PCDHGA7: variants seen among roughly 807,000 people sequenced by gnomAD.
PCDHGA7 encodes the protein protocadherin gamma-A7.
PCDHGA7 carries 44 observed loss-of-function variants against 58.3 expected under a neutral mutation model. The observed-to-expected ratio is 0.75, with a 90% CI of 0.59 to 0.97. The LOEUF (loss-of-function observed/expected upper bound fraction) is 0.97. Ranked by LOEUF, PCDHGA7 falls within the 50% of genes least tolerant of loss-of-function variation. The probability of loss-of-function intolerance (pLI) is 0.00; values close to 1 mark genes in which losing one functional copy is unlikely to be tolerated. For synonymous variants in PCDHGA7, 516 were observed against 504.2 expected, an observed-to-expected ratio of 1.02 and a Z score of -0.31; for missense variants, 1,266 against 1,188.7, an observed-to-expected ratio of 1.06 and a Z score of -0.96.
At chr5:141,464,580 G>A (rs1459502164) in intron 1 of PCDHGA7, among the ~76,000 whole-genome samples, 1 of 152,118 alleles carries the variant, frequency 6.6e-6, no homozygotes, top group East Asian at 1.9e-4. Context: ...AGATGAGAAT[G>A]TCCATTGTCC....
At chr5:141,465,945 AC>A (rs761290693) in intron 1 of PCDHGA7, among the ~76,000 whole-genome samples, 7 of 151,958 alleles carry the variant, frequency 4.6e-5, no homozygotes, top group Non-Finnish European at 5.9e-5. Context: ...ACATGGTGAA[AC>A]CCCATCTCTA....
intron 1 of PCDHGA7, chr5:141,398,636 A>G (rs770681129): frequency 6.2e-7 from 1 of 1,614,074 alleles, no homozygotes; most frequent in Non-Finnish European, 8.5e-7. Context: ...CTGCAGAAGT[A>G]TAAACTCTCT....
At chr5:141,507,833 G>C (rs1184502436) in intron 3 of PCDHGA7, among the ~76,000 whole-genome samples, 2 of 152,172 alleles carry the variant, frequency 1.3e-5, no homozygotes, top group East Asian at 3.9e-4. Flanking sequence ...GGAGGTGGTG[G>C]GTCAGGCCCT....
intron 2 of PCDHGA7, among the ~76,000 whole-genome samples, chr5:141,501,966 C>A (rs1046026111): frequency 1.3e-5 from 2 of 152,118 alleles, no homozygotes; most frequent in African/African-American, 4.8e-5. Context: ...ATCCTCCTAA[C>A]CTCTGGCATC....
At chr5:141,416,717 A>G (rs1227713508) in intron 1 of PCDHGA7, 1 of 152,256 alleles carries the variant, frequency 6.6e-6, no homozygotes, top group Admixed American at 6.5e-5. Flanking sequence ...GGTACTGATG[A>G]GTTCATTTAG....
intron 1 of PCDHGA7, among the ~76,000 whole-genome samples, chr5:141,453,643 T>G (rs1267570786): frequency 2.6e-5 from 4 of 152,240 alleles, no homozygotes; most frequent in Non-Finnish European, 5.9e-5. Flanking sequence ...TATATTTTCT[T>G]ATGTCCTCTT....
intron 2 of PCDHGA7, among the ~76,000 whole-genome samples, chr5:141,501,286 C>T (rs2099806802): frequency 8.9e-6 from 1 of 112,422 alleles, no homozygotes; most frequent in African/African-American, 3.5e-5. Context: ...GGGATATTCC[C>T]TTATACACAC....
intron 2 of PCDHGA7, among the ~76,000 whole-genome samples, chr5:141,497,706 A>G (rs2099778850): frequency 6.6e-6 from 1 of 151,956 alleles, no homozygotes; most frequent in Middle Eastern, 3.2e-3. Flanking sequence ...CACCCAGCTC[A>G]TTTTTGTATT....
chr5:141,479,606 T>TA (rs1315315740), intron 1 of PCDHGA7: 1 of 152,184 alleles, frequency 6.6e-6, no homozygotes, highest in Non-Finnish European at 1.5e-5. Context: ...GCCTAGGCAA[T>TA]ATAGGGAAAC....
At chr5:141,392,005 T>A (rs1323895692) in intron 1 of PCDHGA7, 1 of 152,198 alleles carries the variant, frequency 6.6e-6, no homozygotes, top group African/African-American at 2.4e-5. Context: ...AAAACTGCAA[T>A]GGTAAAAGCA....
At chr5:141,500,185 TTTA>T (rs549090582) in intron 2 of PCDHGA7, among the ~76,000 whole-genome samples, 1 of 55,104 alleles carries the variant, frequency 1.8e-5, no homozygotes, top group Non-Finnish European at 3.2e-5. Flanking sequence ...CATTTTTATT[TTTA>T]TTTATTTATT....
In PCDHGA7 at chr5:141,487,743, G is replaced by C. The variant is rs1424889718; in HGVS notation, c.2425-7064G>C. The C allele has an allele frequency of 1.9e-6, 3 of 1,559,988 alleles. No homozygotes were observed. Among genetic ancestry groups the C allele is most frequent in the Non-Finnish European group, 2.6e-6 (3 of 1,150,774 alleles). ...AGTGATGTCACCATTTTTGTAAGAG[G>C]TAACTATGTGGTAGACGCTGTGCTT... On this transcript the variant is annotated intron_variant, in intron 1 of 3. Transcript: ENST00000518325. The surrounding 1 kb of genome is among the most constrained non-coding windows in gnomAD (Gnocchi z 5.0).
At position 141,431,353 on chromosome 5, in the gene PCDHGA7, C is replaced by T. The variant is rs1273946805; in HGVS notation, c.2424+46030C>T. 1 of 1,613,940 alleles carries T rather than the reference C, an allele frequency of 6.2e-7. No homozygotes were observed. Among genetic ancestry groups the T allele is most frequent in the Non-Finnish European group, 8.5e-7 (1 of 1,180,042 alleles). On this transcript the variant is annotated intron_variant, in intron 1 of 3. Coordinates refer to ENST00000518325, the MANE Select transcript of PCDHGA7 (RefSeq NM_018920.4). This position sits in a 1 kb window ranked among gnomAD's most constrained non-coding sequence, Gnocchi z 4.8. ...AGTACCCCGAATTGGTGCTGAAACG[C>T]GCCCTGGACCGCGAAGAAAAGGCTG...
chr5:141,479,636 CA>C (rs1397283180), intron 1 of PCDHGA7: 1 of 152,080 alleles, frequency 6.6e-6, no homozygotes, highest in African/African-American at 2.4e-5. Flanking sequence ...TTAACAATAA[CA>C]ACAACAACAA....
intron 1 of PCDHGA7, chr5:141,422,075 G>A (rs1192481253): frequency 1.9e-6 from 3 of 1,612,092 alleles, no homozygotes; most frequent in East Asian, 2.2e-5. Flanking sequence ...TATTCATTTC[G>A]GAACATGGAA....
chr5:141,427,126 C>T (rs1216633922), intron 1 of PCDHGA7: 1 of 457,282 alleles, frequency 2.2e-6, no homozygotes, highest in Non-Finnish European at 4.4e-6. Context: ...TCTTTCAAAT[C>T]CCTACGAGAT....
At chr5:141,399,732 G>C (rs1270192367) in intron 1 of PCDHGA7, 27 of 1,613,174 alleles carry the variant, frequency 1.7e-5, no homozygotes, top group Non-Finnish European at 2.0e-5. Context: ...ACCAGGGCTC[G>C]CCTGCGCTCA....
At position 141,384,644 on chromosome 5, in the gene PCDHGA7, C is replaced by G. The variant is rs757384812; in HGVS notation, c.1745C>G (p.Ala582Gly). The change falls in exon 1 of 4, where the codon GCA (alanine) becomes GGA (glycine). Residue 582 changes from alanine (A) to glycine (G), a missense_variant. Ala to Gly is a moderately conservative substitution (Grantham distance 60). Transcript: ENST00000518325. ...STGMELAPRSAEPGYLVTKVV... is the reference protein window; with the variant it reads ...STGMELAPRSGEPGYLVTKVV... ...GGCATGGAGCTGGCACCCCGCTCCG[C>G]AGAGCCCGGCTACCTGGTGACCAAG... The G allele has an allele frequency of 6.2e-7, 1 of 1,614,234 alleles. No individual in the cohort carries two copies. Among genetic ancestry groups the G allele is most frequent in the Non-Finnish European group, 8.5e-7 (1 of 1,180,038 alleles).
intron 1 of PCDHGA7, among the ~76,000 whole-genome samples, chr5:141,468,946 C>G: frequency 7.0e-6 from 1 of 141,900 alleles, no homozygotes; most frequent in Non-Finnish European, 1.5e-5. Context: ...ATGGGGTAAA[C>G]CTGTGGTTTT....
Sources: allele counts gnomAD v4.1 joint callset (sites outside exome capture counted in the v4.1 genomes callset), GRCh38; gene constraint gnomAD v4.1.1; non-coding constraint Gnocchi (gnomAD v3.1); transcripts MANE v1.5; gene names NCBI Gene and HGNC (gene_info 2026-07-23, HGNC 2026-07-21).